KLHL1: variants seen among roughly 807,000 people sequenced by gnomAD.
The protein encoded by KLHL1 is kelch like family member 1.
Under a neutral mutation model 77.7 loss-of-function variants are expected in KLHL1, and 47 were observed. The ratio of observed to expected loss-of-function variants is 0.60; its 90% confidence interval spans 0.48 to 0.77. KLHL1 has a LOEUF of 0.77. Ranked by LOEUF, KLHL1 falls within the 30% of genes least tolerant of loss-of-function variation. The pLI is 0.00. For synonymous variants in KLHL1, 360 were observed against 325.2 expected (o/e 1.11, Z -1.15); for missense variants, 925 against 910.8 (o/e 1.02, Z -0.20).
chr13:69,867,416 T>C (rs1409767599), intron 5 of KLHL1, among the ~76,000 whole-genome samples: 1 of 152,106 alleles, frequency 6.6e-6, no homozygotes, highest in African/African-American at 2.4e-5. Flanking sequence ...TGCAGCTCTT[T>C]TGTCACACCT....
intron 9 of KLHL1, among the ~76,000 whole-genome samples, 177 bp downstream of exon 9, chr13:69,719,192 G>T: frequency 2.7e-5 from 1 of 36,946 alleles, no homozygotes; most frequent in Non-Finnish European, 8.6e-5. Flanking sequence ...ACGTGTGTGT[G>T]TGTGTGTGTG....
chr13:70,093,944 T>G (rs1405662101), intron 1 of KLHL1, among the ~76,000 whole-genome samples: 1 of 152,178 alleles, frequency 6.6e-6, no homozygotes, highest in Non-Finnish European at 1.5e-5. Context: ...AATTTCATGA[T>G]GATATCATTT....
chr13:69,753,892 A>G (rs745613227), intron 7 of KLHL1, among the ~76,000 whole-genome samples: 4 of 152,142 alleles, frequency 2.6e-5, no homozygotes, highest in Non-Finnish European at 4.4e-5. Context: ...GCTGGAGTAC[A>G]GTGGTGCAAT....
intron 1 of KLHL1, among the ~76,000 whole-genome samples, chr13:70,068,694 C>T (rs1454576070): frequency 6.6e-6 from 1 of 152,120 alleles, no homozygotes; most frequent in Non-Finnish European, 1.5e-5. Flanking sequence ...TATGTTAATT[C>T]TGATATGTTA....
In KLHL1 at chr13:69,740,462, T is replaced by C. The variant is rs763054748; in HGVS notation, c.1734A>G (p.Gln578=). The change falls in exon 8 of 11, where the codon CAA becomes CAG. Residue 578 remains glutamine (Q), a synonymous_variant. Transcript: ENST00000377844. ...ACATACTGGCTACAAATGTCCATTG[T>C]TGACTCTGTGGATCCCACCTTTCCA... ...NTVERWDPQS[Q]QWTFVASMSI... 1 of 1,613,244 alleles carries C rather than the reference T, an allele frequency of 6.2e-7. No individual in the cohort carries two copies. Among genetic ancestry groups the C allele is most frequent in the Non-Finnish European group, 8.5e-7 (1 of 1,179,394 alleles).
intron 4 of KLHL1, among the ~76,000 whole-genome samples, chr13:69,933,545 T>G (rs1453771605): frequency 1.3e-5 from 2 of 152,138 alleles, no homozygotes; most frequent in East Asian, 3.9e-4. Context: ...TAGGTATTTT[T>G]TCCAGTGGCT....
chr13:69,835,602 T>C (rs1878956201), intron 6 of KLHL1, among the ~76,000 whole-genome samples: 1 of 152,082 alleles, frequency 6.6e-6, no homozygotes, highest in South Asian at 2.1e-4. Context: ...TCAGGCTCAT[T>C]AGAGGAAGGC....
At chr13:69,859,481 A>G (rs1029125394) in intron 5 of KLHL1, among the ~76,000 whole-genome samples, 9 of 152,006 alleles carry the variant, frequency 5.9e-5, no homozygotes, top group African/African-American at 1.7e-4. Context: ...AGTAGGGCAG[A>G]CGCTGTGACA....
intron 1 of KLHL1, among the ~76,000 whole-genome samples, chr13:70,073,298 T>C (rs999419830): frequency 1.3e-5 from 2 of 151,936 alleles, no homozygotes; most frequent in African/African-American, 2.4e-5. Flanking sequence ...CTCAGCAAAC[T>C]ATTGCAAGGA....
At chr13:69,940,276 A>T (rs1248741772) in intron 3 of KLHL1, 40 bp from the exon 4 acceptor site, 2 of 1,475,806 alleles carry the variant, frequency 1.4e-6, no homozygotes, top group African/African-American at 2.8e-5. Context: ...TCTTTTAAAA[A>T]CATGAAATAA....
intron 1 of KLHL1, among the ~76,000 whole-genome samples, chr13:70,081,939 T>A (rs1310123475): frequency 6.6e-6 from 1 of 152,188 alleles, no homozygotes; most frequent in African/African-American, 2.4e-5. Context: ...AGAATTGTAA[T>A]CCCCAATGTG....
intron 4 of KLHL1, among the ~76,000 whole-genome samples, chr13:69,930,632 A>G (rs577551234): frequency 6.6e-6 from 1 of 151,952 alleles, no homozygotes; most frequent in African/African-American, 2.4e-5. Flanking sequence ...TAAAGGCAAT[A>G]TGCCATTGTT....
chr13:69,932,481 A>C (rs767513619), intron 4 of KLHL1, among the ~76,000 whole-genome samples: 1 of 151,940 alleles, frequency 6.6e-6, no homozygotes, highest in African/African-American at 2.4e-5. Context: ...GGAATACTAC[A>C]TCTTAAATGA....
intron 3 of KLHL1, among the ~76,000 whole-genome samples, chr13:69,951,401 CAGA>C (rs1883706876): frequency 6.6e-6 from 1 of 151,330 alleles, no homozygotes; most frequent in Admixed American, 6.6e-5. Context: ...TTCTACTGGC[CAGA>C]TTTTCGCAAG....
chr13:69,916,483 C>G (rs1284062692), intron 4 of KLHL1, among the ~76,000 whole-genome samples: 3 of 150,594 alleles, frequency 2.0e-5, no homozygotes, highest in East Asian at 2.0e-4. Context: ...AGCAAACTAT[C>G]GCAAGGACAA....
chr13:69,991,147 C>T, intron 1 of KLHL1, among the ~76,000 whole-genome samples: 1 of 151,818 alleles, frequency 6.6e-6, no homozygotes, highest in Non-Finnish European at 1.5e-5. Flanking sequence ...TGGGACACAG[C>T]TAAGGCATTG....
intron 1 of KLHL1, among the ~76,000 whole-genome samples, chr13:70,005,195 A>C (rs1885378121): frequency 6.6e-6 from 1 of 152,056 alleles, no homozygotes; most frequent in Non-Finnish European, 1.5e-5. Context: ...TTTATATCTA[A>C]AATGAATAAC....
chr13:70,006,850 A>G (rs917258668), intron 1 of KLHL1, among the ~76,000 whole-genome samples: 1 of 152,038 alleles, frequency 6.6e-6, no homozygotes, highest in African/African-American at 2.4e-5. Context: ...TGCAAAGAAT[A>G]TATGTTTTCT....
In KLHL1 at chr13:69,701,569, A is replaced by T; in HGVS notation, c.*133T>A. On this transcript the variant is annotated 3_prime_UTR_variant, in exon 11 of 11. Coordinates refer to ENST00000377844, the MANE Select transcript of KLHL1 (RefSeq NM_020866.3). ...TTCTGTTTGATCTACTAACTCTTTC[A>T]ACATCAGTAGGTAACGCTACAGAGA... is the stretch of plus-strand genomic sequence containing the variant. 1.5e-6 allele frequency: 1 copy of T among 646,902 alleles called. No homozygotes were observed. Among genetic ancestry groups the T allele is most frequent in the Non-Finnish European group, 2.7e-6 (1 of 365,366 alleles). The allele number at this position is 646,902 out of a possible 1,614,324, so 40.1% of individuals were successfully genotyped here. A position where few individuals can be genotyped will look rare whatever the true frequency, so the allele number is the denominator to read the frequency against.
Sources: gnomAD v4.1 joint callset for allele counts (sites outside exome capture counted in the v4.1 genomes callset) on GRCh38, gnomAD v4.1.1 for gene constraint, MANE v1.5 for transcripts, NCBI Gene and HGNC (gene_info 2026-07-23, HGNC 2026-07-21) for gene names.